Variants in TRAPPC9 observed in about 807,000 individuals in gnomAD.
TRAPPC9 encodes the protein IKK2 binding protein.
In TRAPPC9, 83 loss-of-function variants were observed where a neutral mutation model predicts 124.0. That is an observed-to-expected ratio of 0.67 (90% CI 0.56 to 0.80). The LOEUF (loss-of-function observed/expected upper bound fraction) is 0.80. Among genes scored for constraint, TRAPPC9 ranks in the 30% least tolerant of loss-of-function variants. The pLI is 0.00. For synonymous variants in TRAPPC9, 638 were observed against 617.5 expected, an observed-to-expected ratio of 1.03 and a Z score of -0.49; for missense variants, 1,302 against 1,508.3, an observed-to-expected ratio of 0.86 and a Z score of 2.27.
chr8:139,919,761 C>T (rs1475557036), intron 19 of TRAPPC9, among the ~76,000 whole-genome samples: 1 of 152,170 alleles, frequency 6.6e-6, no homozygotes. Flanking sequence ...CTTGGTGCCC[C>T]CCATGCTACC....
chr8:139,758,268 G>A (rs978194706), intron 21 of TRAPPC9, among the ~76,000 whole-genome samples: 1 of 152,218 alleles, frequency 6.6e-6, no homozygotes, highest in Non-Finnish European at 1.5e-5. Context: ...ACATGTGCCT[G>A]TGGAGGAGAC....
chr8:139,804,136 C>A (rs369886116), intron 21 of TRAPPC9, among the ~76,000 whole-genome samples: 1,475 of 105,874 alleles, frequency 0.014, 17 homozygotes, highest in African/African-American at 0.03. Context: ...CACACACACA[C>A]CCACCACCAC....
At chr8:139,778,760 C>T (rs1821570330) in intron 21 of TRAPPC9, among the ~76,000 whole-genome samples, 1 of 152,062 alleles carries the variant, frequency 6.6e-6, no homozygotes, top group Non-Finnish European at 1.5e-5. Flanking sequence ...TAAAAGAAAA[C>T]ACTGGTAAGC....
At chr8:140,429,544 T>C (rs972712699) in intron 4 of TRAPPC9, among the ~76,000 whole-genome samples, 3 of 152,184 alleles carry the variant, frequency 2.0e-5, no homozygotes, top group Admixed American at 2.0e-4. Flanking sequence ...AGGGTTAAAT[T>C]GGTGTATATA....
intron 1 of TRAPPC9, among the ~76,000 whole-genome samples, chr8:140,456,390 C>T (rs1475585254): frequency 1.4e-5 from 2 of 145,994 alleles, no homozygotes; most frequent in Admixed American, 7.0e-5. Flanking sequence ...CCAGCCCAGG[C>T]GACAGTGCGA....
chr8:140,304,251 C>T (rs1204853356), intron 10 of TRAPPC9, among the ~76,000 whole-genome samples: 2 of 152,078 alleles, frequency 1.3e-5, no homozygotes, highest in African/African-American at 2.4e-5. Context: ...CCTGCCACCA[C>T]GCCCGGCTAA....
At chr8:140,010,208 A>G (rs1180983895) in intron 18 of TRAPPC9, among the ~76,000 whole-genome samples, 1 of 152,206 alleles carries the variant, frequency 6.6e-6, no homozygotes, top group Admixed American at 6.5e-5. Context: ...GATTTTTGCA[A>G]TTTAAAAAAT....
chr8:140,309,092 C>T (rs1419126611), intron 10 of TRAPPC9, among the ~76,000 whole-genome samples: 1 of 152,180 alleles, frequency 6.6e-6, no homozygotes, highest in Non-Finnish European at 1.5e-5. Context: ...GACTGTTACA[C>T]TTTCACCCAA....
At chr8:139,968,542 T>C (rs766337246) in intron 19 of TRAPPC9, among the ~76,000 whole-genome samples, 43 of 152,292 alleles carry the variant, frequency 2.8e-4, no homozygotes, top group Non-Finnish European at 1.3e-4. Flanking sequence ...GATACGTGCA[T>C]TCACAAAGTC....
At chr8:140,339,288 C>A (rs962784054) in intron 9 of TRAPPC9, among the ~76,000 whole-genome samples, 1 of 152,240 alleles carries the variant, frequency 6.6e-6, no homozygotes, top group Non-Finnish European at 1.5e-5. Flanking sequence ...GCCAGAATAA[C>A]AAATTTGCAG....
intron 7 of TRAPPC9, among the ~76,000 whole-genome samples, chr8:140,393,698 C>T (rs2069001137): frequency 6.6e-6 from 1 of 152,182 alleles, no homozygotes; most frequent in Admixed American, 6.5e-5. Context: ...TTCAAAATTT[C>T]CATATTAGCC....
At chr8:140,272,851 A>G (rs1043327319) in intron 15 of TRAPPC9, among the ~76,000 whole-genome samples, 8 of 149,416 alleles carry the variant, frequency 5.4e-5, no homozygotes, top group Non-Finnish European at 8.9e-5. Flanking sequence ...ATCCACCCCC[A>G]TGACCCAAAA....
chr8:139,807,865 G>A (rs914637314), intron 21 of TRAPPC9, among the ~76,000 whole-genome samples: 9 of 152,188 alleles, frequency 5.9e-5, no homozygotes, highest in African/African-American at 2.4e-5. Context: ...GCACCGGCTG[G>A]GTGGGTTCTG....
intron 17 of TRAPPC9, among the ~76,000 whole-genome samples, chr8:140,157,255 T>C (rs1587826933): frequency 4.8e-5 from 1 of 20,958 alleles, no homozygotes; most frequent in Non-Finnish European, 8.9e-5. Flanking sequence ...GCCTCCCTTT[T>C]CCATTCAAAA....
intron 17 of TRAPPC9, among the ~76,000 whole-genome samples, chr8:140,149,153 C>T (rs12550472): frequency 0.74 from 112,314 of 151,738 alleles, 42,662 homozygotes; most frequent in African/African-American, 0.91. Flanking sequence ...TGCAGGCATC[C>T]GAGATGTCAC....
intron 19 of TRAPPC9, among the ~76,000 whole-genome samples, chr8:139,914,547 C>T (rs1354526911): frequency 6.6e-6 from 1 of 152,184 alleles, no homozygotes; most frequent in Non-Finnish European, 1.5e-5. Flanking sequence ...TTGGAGGTGA[C>T]TTTGGGGCGA....
chr8:140,069,353 T>C (rs1377984118), intron 17 of TRAPPC9, among the ~76,000 whole-genome samples: 2 of 152,026 alleles, frequency 1.3e-5, no homozygotes, highest in South Asian at 2.1e-4. Context: ...AGTCTATTCC[T>C]CTAAACAGTA....
intron 6 of TRAPPC9, chr8:140,405,340 C>T (rs527786013): frequency 1.1e-4 from 46 of 417,688 alleles, no homozygotes; most frequent in Non-Finnish European, 1.6e-4. Flanking sequence ...TCTGTGAGTA[C>T]GCAGGCCATG....
chr8:139,879,913 T>C (rs1829573380), intron 21 of TRAPPC9, among the ~76,000 whole-genome samples: 1 of 152,182 alleles, frequency 6.6e-6, no homozygotes, highest in African/African-American at 2.4e-5. Flanking sequence ...CTCGGCCAAC[T>C]TGGCAAAACA....
Sources: gnomAD v4.1 joint callset for allele counts (sites outside exome capture counted in the v4.1 genomes callset) on GRCh38, gnomAD v4.1.1 for gene constraint, MANE v1.5 for transcripts, NCBI Gene and HGNC (gene_info 2026-07-23, HGNC 2026-07-21) for gene names.